The following STRAP variants were observed in gnomAD, a reference collection of about 807,000 sequenced individuals.
The protein encoded by STRAP is serine/threonine kinase receptor associated protein.
STRAP carries 16 observed loss-of-function variants against 47.0 expected under a neutral mutation model. The observed-to-expected ratio is 0.34, with a 90% confidence interval of 0.23 to 0.52. STRAP has a LOEUF of 0.52. Ranked by LOEUF, STRAP falls within the 20% of genes least tolerant of loss-of-function variation. The pLI is 0.96. For synonymous variants in STRAP, 130 were observed against 142.7 expected (o/e 0.91, Z 0.63); for missense variants, 293 against 420.0 (o/e 0.70, Z 2.64).
rs1403179532 is a variant in STRAP, at chr12:15,887,862, A to C, written c.249-2066A>C. ...AAAAAGAGAGAGAGGTTTTAAGTTT[A>C]TGGGAGATTATTTAATAAACTTGAA... On this transcript the variant is annotated intron_variant, in intron 2 of 9. Transcript: ENST00000419869. The surrounding 1 kb of genome is among the most constrained non-coding windows in gnomAD (Gnocchi z 5.5). Among the ~76,000 whole-genome samples the C allele has an allele frequency of 2.0e-5, 3 of 152,092 alleles. No homozygotes were observed. The highest frequency in any genetic ancestry group is 7.2e-5 in the African/African-American group (3 of 41,440).
rs929696473 is a variant in STRAP at position 15,903,251 on chromosome 12, A to G, written c.*273A>G. The G allele has an allele frequency of 3.3e-5, 9 of 273,992 alleles. No individual in the cohort carries two copies. The highest frequency in any genetic ancestry group is 5.2e-5 in the Admixed American group (1 of 19,092). 17.0% of individuals were successfully genotyped at this position (273,992 alleles called of 1,614,324 possible). A position where few individuals can be genotyped will look rare whatever the true frequency, so the allele number is the denominator to read the frequency against. On this transcript the variant is annotated 3_prime_UTR_variant, in exon 10 of 10. Transcript: ENST00000419869. The stretch of plus-strand genomic sequence containing the variant: ...ATATACAAGCCAACATCCAATTTCT[A>G]TTATTACAATTAGGGTTCTTGTAGC...
rs1275233780 is a variant in STRAP at position 15,894,984 on chromosome 12, T to C, written c.501-375T>C. On this transcript the variant is annotated intron_variant, in intron 5 of 9. Transcript: ENST00000419869. This position sits in a 1 kb window ranked among gnomAD's most constrained non-coding sequence, Gnocchi z 4.9. Reference sequence around the variant, plus strand: ...AAATTCTATACAAAATCTTGTGTGCTGACACCTGATGTATATTTCTTTGGA... The same window carrying C: ...AAATTCTATACAAAATCTTGTGTGCCGACACCTGATGTATATTTCTTTGGA... Among the ~76,000 whole-genome samples, 1 of 152,238 alleles carries C rather than the reference T, an allele frequency of 6.6e-6. No individual in the cohort carries two copies. Among genetic ancestry groups the C allele is most frequent in the Non-Finnish European group, 1.5e-5 (1 of 68,046 alleles).
In STRAP at chr12:15,891,100, G is replaced by C. The variant is rs544958265; in HGVS notation, c.403+431G>C. 1.0e-3 allele frequency among the ~76,000 whole-genome samples: 157 copies of C among 151,510 alleles called. 1 individual carries two copies. The highest frequency in any genetic ancestry group is 3.6e-3 in the African/African-American group (150 of 41,370). ...AGTCAACAAAGAAGAAAATTAAAAC[G>C]TAATTCATCAGTTTTTGGTTTATAA... On this transcript the variant is annotated intron_variant, in intron 4 of 9. Coordinates refer to ENST00000419869, the MANE Select transcript of STRAP (RefSeq NM_007178.4).
rs557303771 is a variant in STRAP at position 15,903,235 on chromosome 12, C to T, written c.*257C>T. 7 of 308,246 alleles carry T rather than the reference C, an allele frequency of 2.3e-5. No homozygotes were observed. The highest frequency in any genetic ancestry group is 4.1e-5 in the Non-Finnish European group (7 of 171,200). The allele number at this position is 308,246 out of a possible 1,614,324, so 19.1% of individuals were successfully genotyped here. A position where few individuals can be genotyped will look rare whatever the true frequency, so the allele number is the denominator to read the frequency against. ...TATCTTTTTAATGAATATATACAAG[C>T]CAACATCCAATTTCTATTATTACAA... is the stretch of plus-strand genomic sequence containing the variant. On this transcript the variant is annotated 3_prime_UTR_variant, in exon 10 of 10. Transcript: ENST00000419869.
intron 4 of STRAP, among the ~76,000 whole-genome samples, chr12:15,891,743 T>C (rs937668842): frequency 6.6e-6 from 1 of 151,954 alleles, no homozygotes; most frequent in East Asian, 1.9e-4. Context: ...AGGAGTTCAA[T>C]ACCAGCCTGG....
chr12:15,902,458 A>C (rs1948113169), intron 9 of STRAP, among the ~76,000 whole-genome samples: 1 of 152,200 alleles, frequency 6.6e-6, no homozygotes, highest in African/African-American at 2.4e-5. Context: ...GAAGGTGTTT[A>C]CCATTTACCC....
In STRAP at chr12:15,900,001, A is replaced by G; in HGVS notation, c.873A>G (p.Leu291=). 6.2e-7 allele frequency: 1 copy of G among 1,613,872 alleles called. No individual in the cohort carries two copies. Among genetic ancestry groups the G allele is most frequent in the African/African-American group, 1.3e-5 (1 of 75,050 alleles). The change falls in exon 8 of 10, where the codon CTA becomes CTG. Residue 291 remains leucine (L), a synonymous_variant. Transcript: ENST00000419869. ...GTTCAGAAGATGGAACATTGAGACT[A>G]TGGCAAACTGTGGTAGGAAAAACGT... ...ASGSEDGTLR[L]WQTVVGKTYG... is the part of the protein sequence containing the mutation.
chr12:15,889,244 A>G (rs1947995984), intron 2 of STRAP, among the ~76,000 whole-genome samples: 1 of 152,082 alleles, frequency 6.6e-6, no homozygotes, highest in Admixed American at 6.5e-5. Context: ...CCTATAACCA[A>G]CTTGTATTTT....
chr12:15,883,612 G>T lies in STRAP; in HGVS notation c.184G>T (p.Val62Phe). 6.2e-7 allele frequency: 1 copy of T among 1,614,226 alleles called. No individual in the cohort carries two copies. Among genetic ancestry groups the T allele is most frequent in the Non-Finnish European group, 8.5e-7 (1 of 1,180,038 alleles). The change falls in exon 2 of 10, where the codon GTT (valine) becomes TTT (phenylalanine). Residue 62 changes from valine to phenylalanine, a missense_variant. This residue lies in a region of STRAP where 32 missense variants were observed against 76.1 expected (regional missense o/e 0.42). Transcript: ENST00000419869. ...IGTFLGHKGA[V>F]WGATLNKDAT... ...AACATTTTTGGGTCATAAAGGTGCT[G>T]TTTGGGGTGCAACACTGAATAAGGA...
At position 15,902,963 on chromosome 12, in the gene STRAP, T is replaced by C; in HGVS notation, c.1038T>C (p.Pro346=). The change falls in exon 10 of 10, where the codon CCT becomes CCC. Residue 346 remains proline, a synonymous_variant. Coordinates refer to ENST00000419869, the MANE Select transcript of STRAP (RefSeq NM_007178.4). ...ENSDCIFPSA[P]DVKA The stretch of plus-strand genomic sequence containing the variant: ...CAGATTGCATCTTTCCTTCAGCTCC[T>C]GATGTTAAGGCCTGAGCGTCAATCA... The C allele has an allele frequency of 6.7e-7, 1 of 1,499,996 alleles. No homozygotes were observed. The highest frequency in any genetic ancestry group is 8.8e-7 in the Non-Finnish European group (1 of 1,135,318). 92.9% of individuals were successfully genotyped at this position (1,499,996 alleles called of 1,614,324 possible).
intron 6 of STRAP, 135 bp from the exon 7 acceptor site, chr12:15,897,747 T>A: frequency 1.8e-6 from 1 of 565,862 alleles, no homozygotes; most frequent in Non-Finnish European, 2.8e-6. Flanking sequence ...ACAGCTTTTT[T>A]TACATCAGTG....
chr12:15,882,471 C>T lies in STRAP; in HGVS notation c.-237C>T, dbSNP rs899859345. ...CCGCTTCTCCCCATCCCCTACTTTC[C>T]TCCCTCCCTCCCTTTCCCTCCCTCG... On this transcript the variant is annotated 5_prime_UTR_variant, in exon 1 of 10. Coordinates refer to ENST00000419869, the MANE Select transcript of STRAP (RefSeq NM_007178.4). 2.5e-5 allele frequency: 13 copies of T among 523,774 alleles called. No individual in the cohort carries two copies. Among genetic ancestry groups the T allele is most frequent in the Non-Finnish European group, 4.4e-5 (13 of 292,150 alleles). The allele number at this position is 523,774 out of a possible 1,614,324, so 32.4% of individuals were successfully genotyped here. A position where few individuals can be genotyped will look rare whatever the true frequency, so the allele number is the denominator to read the frequency against.
intron 6 of STRAP, among the ~76,000 whole-genome samples, chr12:15,897,553 GTTTA>G (rs1051177798): frequency 5.3e-5 from 8 of 152,010 alleles, no homozygotes; most frequent in Non-Finnish European, 1.2e-4. Flanking sequence ...TACAGGTGAA[GTTTA>G]TTTAAGAGCA....
rs1948101473 is a variant in STRAP at position 15,901,311 on chromosome 12, A to T, written c.991+299A>T. 2.0e-5 allele frequency among the ~76,000 whole-genome samples: 3 copies of T among 152,152 alleles called. No homozygotes were observed. The South Asian group carries it at 6.2e-4, about 32-fold the overall frequency. Reference sequence around the variant, plus strand: ...ACACAAATTATTGTAAGGGGGATTAAAAAAAGCTTCCTAGAGAAGTGACAT... The same window carrying T: ...ACACAAATTATTGTAAGGGGGATTATAAAAAGCTTCCTAGAGAAGTGACAT... On this transcript the variant is annotated intron_variant, in intron 9 of 9. Transcript: ENST00000419869.
Position 15,903,151 on chromosome 12 carries a change from A to G in STRAP, c.*173A>G. 1 of 592,088 alleles carries G rather than the reference A, an allele frequency of 1.7e-6. No homozygotes were observed. The highest frequency in any genetic ancestry group is 2.6e-6 in the Non-Finnish European group (1 of 381,974). 36.7% of individuals were successfully genotyped at this position (592,088 alleles called of 1,614,324 possible). ...ACTAACTTGGTGTTACCTGTAAGTG[A>G]AAACTCAAGTGTCAGATGAAGGGAG... On this transcript the variant is annotated 3_prime_UTR_variant, in exon 10 of 10. Transcript: ENST00000419869.
At chr12:15,895,536 CAAA>C in intron 6 of STRAP, 40 bp downstream of exon 6, 1 of 1,569,504 alleles carries the variant, frequency 6.4e-7, no homozygotes, top group Non-Finnish European at 8.6e-7. Context: ...TTTTAGGTAA[CAAA>C]AGACATTTTG....
chr12:15,890,599 T>C lies in STRAP; in HGVS notation c.333T>C (p.Asp111=). The C allele has an allele frequency of 6.2e-7, 1 of 1,609,410 alleles. No homozygotes were observed. The highest frequency in any genetic ancestry group is 8.5e-7 in the Non-Finnish European group (1 of 1,178,094). ...CACATTTTACTTTGTGTTTTCAGGA[T>C]AGTAATTATTTGTTAACCGGGGGAC... ...HIVKTVDFTQ[D]SNYLLTGGQD... Residue 111 remains aspartate (D), a splice_region_variant and synonymous_variant, in exon 4 of 10, where the codon GAT becomes GAC. Transcript: ENST00000419869. The surrounding 1 kb of genome is among the most constrained non-coding windows in gnomAD (Gnocchi z 4.5).
chr12:15,902,797 C>A, intron 9 of STRAP, 120 bp from the exon 10 acceptor site: 1 of 1,244,644 alleles, frequency 8.0e-7, no homozygotes, highest in Non-Finnish European at 1.1e-6. Flanking sequence ...TTTCCCTTAC[C>A]ACAGTATGCT....
At chr12:15,900,870 CTCT>C (rs1948097498) in intron 8 of STRAP, 74 bp from the exon 9 acceptor site, 2 of 1,190,590 alleles carry the variant, frequency 1.7e-6, no homozygotes, top group Non-Finnish European at 2.2e-6. Flanking sequence ...TCTTATGTTG[CTCT>C]TCTTGCTTAT....
Sources: allele counts gnomAD v4.1 joint callset (sites outside exome capture counted in the v4.1 genomes callset), GRCh38; gene constraint gnomAD v4.1.1; regional missense constraint gnomAD v4.1.1; non-coding constraint Gnocchi (gnomAD v3.1); transcripts MANE v1.5; gene names NCBI Gene and HGNC (gene_info 2026-07-23, HGNC 2026-07-21).